The following EPB41L4A variants were observed in gnomAD, a reference collection of about 807,000 sequenced individuals.
EPB41L4A encodes erythrocyte membrane protein band 4.1 like 4A.
A neutral mutation model predicts 108.6 loss-of-function variants in EPB41L4A; 100 were observed. The observed-to-expected ratio is 0.92, with a 90% CI of 0.78 to 1.09. The LOEUF (loss-of-function observed/expected upper bound fraction) is 1.09, where lower values mean the gene tolerates loss of function less well. EPB41L4A is among the 50% of genes least tolerant of loss of function. The pLI, the probability that EPB41L4A is intolerant of heterozygous loss-of-function variation, is 0.00. For synonymous variants in EPB41L4A, 319 were observed against 289.0 expected (o/e 1.10, Z -1.05); for missense variants, 1,030 against 842.7 (o/e 1.22, Z -2.75).
chr5:112,186,464 C>G (rs138578061), intron 17 of EPB41L4A, among the ~76,000 whole-genome samples: 2 of 152,178 alleles, frequency 1.3e-5, no homozygotes, highest in African/African-American at 2.4e-5. Flanking sequence ...AGGACCAAAT[C>G]AGAAAGAATT....
chr5:112,235,897 T>C (rs921886803), intron 11 of EPB41L4A, among the ~76,000 whole-genome samples: 1 of 152,218 alleles, frequency 6.6e-6, no homozygotes, highest in Non-Finnish European at 1.5e-5. Flanking sequence ...TGACAGATTT[T>C]CTTTTGCTTG....
chr5:112,205,761 T>C (rs1277475629), intron 13 of EPB41L4A, among the ~76,000 whole-genome samples: 1 of 152,114 alleles, frequency 6.6e-6, no homozygotes, highest in Non-Finnish European at 1.5e-5. Context: ...CCATCAATTG[T>C]TAAGAAACTC....
downstream of EPB41L4A, chr5:112,158,468 A>G: frequency 2.4e-6 from 1 of 411,900 alleles, no homozygotes; most frequent in South Asian, 1.8e-5. Context: ...TCAGAGGTAG[A>G]TATAAACTAA....
At chr5:112,402,028 CACCAGTGATGTGG>C (rs1761787335) in intron 1 of EPB41L4A, among the ~76,000 whole-genome samples, 1 of 152,204 alleles carries the variant, frequency 6.6e-6, no homozygotes, top group African/African-American at 2.4e-5. Context: ...TAAAAACATA[CACCAGTGATGTGG>C]TTTGGATTTG....
intron 12 of EPB41L4A, 158 bp from the exon 13 acceptor site, chr5:112,210,140 T>C (rs531328771): frequency 3.4e-5 from 18 of 525,298 alleles, no homozygotes; most frequent in African/African-American, 2.3e-4. Context: ...ACCCAATAAA[T>C]TGGAGGTACT....
chr5:112,171,128 G>A (rs955111982), intron 18 of EPB41L4A, 136 bp from the exon 19 acceptor site: 2 of 721,916 alleles, frequency 2.8e-6, no homozygotes, highest in African/African-American at 3.6e-5. Context: ...TGGACAGGGA[G>A]AGCCATTGTG....
intron 12 of EPB41L4A, among the ~76,000 whole-genome samples, chr5:112,214,115 C>G (rs1352083252): frequency 6.6e-6 from 1 of 152,192 alleles, no homozygotes; most frequent in Non-Finnish European, 1.5e-5. Context: ...TTCCTCCCCT[C>G]ATCATACCAC....
At chr5:112,359,505 G>C (rs1002976153) in intron 1 of EPB41L4A, among the ~76,000 whole-genome samples, 6 of 151,462 alleles carry the variant, frequency 4.0e-5, no homozygotes, top group African/African-American at 1.5e-4. Flanking sequence ...TCCTGCTTCA[G>C]ATTCAAGGAT....
chr5:112,246,165 T>C (rs963885435), intron 9 of EPB41L4A, among the ~76,000 whole-genome samples: 3 of 152,132 alleles, frequency 2.0e-5, no homozygotes, highest in Non-Finnish European at 4.4e-5. Flanking sequence ...TAGGAGCCCT[T>C]AGGGAGAAAT....
At chr5:112,156,993 G>A (rs528419312) in intron 12 of EPB41L4A, among the ~76,000 whole-genome samples, 13 of 152,268 alleles carry the variant, frequency 8.5e-5, no homozygotes, top group Admixed American at 3.3e-4. Flanking sequence ...TGGTGTCTGC[G>A]TGGTGATATG....
chr5:112,194,509 A>C (rs1761863416), intron 17 of EPB41L4A, 59 bp downstream of exon 17: 5 of 1,008,866 alleles, frequency 5.0e-6, no homozygotes, highest in Non-Finnish European at 7.4e-6. Context: ...CTCAGTTTCT[A>C]CCACCAAGGG....
intron 17 of EPB41L4A, among the ~76,000 whole-genome samples, chr5:112,186,127 C>A (rs551472873): frequency 6.6e-6 from 1 of 152,308 alleles, no homozygotes; most frequent in Non-Finnish European, 1.5e-5. Flanking sequence ...TTTTAGGATG[C>A]AGCTTTCATT....
intron 18 of EPB41L4A, among the ~76,000 whole-genome samples, 165 bp from the exon 19 acceptor site, chr5:112,171,157 C>G (rs1325145286): frequency 6.6e-6 from 1 of 152,112 alleles, no homozygotes; most frequent in South Asian, 2.1e-4. Flanking sequence ...TATAAAGACA[C>G]CAGCAGCTAA....
intron 1 of EPB41L4A, among the ~76,000 whole-genome samples, chr5:112,337,516 T>G (rs1361620344): frequency 6.6e-6 from 1 of 152,182 alleles, no homozygotes. Flanking sequence ...CCCCACAGAC[T>G]GGTGAAACTC....
chr5:112,313,281 A>C (rs893499177), intron 1 of EPB41L4A, among the ~76,000 whole-genome samples: 1 of 152,190 alleles, frequency 6.6e-6, no homozygotes, highest in Admixed American at 6.5e-5. Flanking sequence ...ACAGGGAGAG[A>C]TTTGGTTATC....
At chr5:112,396,731 G>T (rs1761377808) in intron 1 of EPB41L4A, among the ~76,000 whole-genome samples, 2 of 151,900 alleles carry the variant, frequency 1.3e-5, no homozygotes, top group South Asian at 4.2e-4. Context: ...GAGAGAGAGA[G>T]AGAAACAGAC....
chr5:112,270,990 A>G (rs1752226480), intron 4 of EPB41L4A, among the ~76,000 whole-genome samples: 1 of 152,224 alleles, frequency 6.6e-6, no homozygotes, highest in African/African-American at 2.4e-5. Flanking sequence ...GGGACATTCC[A>G]ATGGCATTTC....
chr5:112,174,287 A>G (rs550631972), intron 18 of EPB41L4A, among the ~76,000 whole-genome samples: 3 of 152,332 alleles, frequency 2.0e-5, no homozygotes, highest in African/African-American at 7.2e-5. Context: ...TCTGCAGCTC[A>G]GTGTTATCTT....
intron 18 of EPB41L4A, among the ~76,000 whole-genome samples, chr5:112,176,743 CTTTTTTTTTTTTTTTTTT>C (rs59150913): frequency 1.5e-5 from 1 of 65,892 alleles, no homozygotes; most frequent in South Asian, 9.3e-4. Context: ...ACCAGAGCAA[CTTTTTTTTTTTTTTTTTT>C]TTTTTTTTTT....
Sources: allele counts gnomAD v4.1 joint callset (sites outside exome capture counted in the v4.1 genomes callset), GRCh38; gene constraint gnomAD v4.1.1; transcripts MANE v1.5; gene names NCBI Gene and HGNC (gene_info 2026-07-23, HGNC 2026-07-21).